GPC6: variants seen among roughly 807,000 people sequenced by gnomAD.
The protein encoded by GPC6 is glypican-6.
GPC6 carries 14 observed loss-of-function variants against 55.2 expected under a neutral mutation model. The observed-to-expected ratio is 0.25, with a 90% CI of 0.17 to 0.40. The LOEUF (loss-of-function observed/expected upper bound fraction) is 0.40, where lower values mean the gene tolerates loss of function less well. GPC6 is among the 10% of genes least tolerant of loss of function. The pLI is 1.00. For synonymous variants in GPC6, 278 were observed against 259.6 expected (o/e 1.07, Z -0.68); for missense variants, 641 against 708.5 (o/e 0.90, Z 1.08).
intron 1 of GPC6, among the ~76,000 whole-genome samples, chr13:93,259,573 G>A (rs2139038722): frequency 6.6e-6 from 1 of 151,926 alleles, no homozygotes; most frequent in Admixed American, 6.6e-5. Flanking sequence ...TTCTTTATGA[G>A]TCTTTTGTTT....
chr13:93,999,172 C>G (rs959609915), intron 3 of GPC6, among the ~76,000 whole-genome samples: 1 of 152,086 alleles, frequency 6.6e-6, no homozygotes, highest in Non-Finnish European at 1.5e-5. Context: ...AAATGCTATC[C>G]CTCCCCTAGC....
chr13:93,723,385 C>T (rs1883518686), intron 2 of GPC6, among the ~76,000 whole-genome samples: 1 of 152,002 alleles, frequency 6.6e-6, no homozygotes, highest in Non-Finnish European at 1.5e-5. Flanking sequence ...GCTGTAATCC[C>T]CTTACTTTAA....
chr13:94,138,233 C>T (rs1887255888), intron 4 of GPC6, among the ~76,000 whole-genome samples: 2 of 152,238 alleles, frequency 1.3e-5, no homozygotes, highest in South Asian at 4.1e-4. Context: ...GCAAATATTC[C>T]AAAATCCAGA....
intron 1 of GPC6, among the ~76,000 whole-genome samples, chr13:93,527,203 A>G (rs1881684905): frequency 6.6e-6 from 1 of 152,056 alleles, no homozygotes; most frequent in African/African-American, 2.4e-5. Flanking sequence ...ATCACCTACC[A>G]TAGTTACCTT....
At chr13:94,136,032 T>G (rs1181076080) in intron 4 of GPC6, among the ~76,000 whole-genome samples, 1 of 152,208 alleles carries the variant, frequency 6.6e-6, no homozygotes, top group East Asian at 1.9e-4. Context: ...AAAAATCATT[T>G]AGGAAATGGA....
chr13:94,199,342 C>T (rs73547979), intron 4 of GPC6, among the ~76,000 whole-genome samples: 2,003 of 152,174 alleles, frequency 0.013, 44 homozygotes, highest in African/African-American at 0.041. Flanking sequence ...GTTAAAATGC[C>T]TTGTCATCAT....
intron 4 of GPC6, among the ~76,000 whole-genome samples, chr13:94,147,851 A>G (rs964555248): frequency 7.2e-5 from 11 of 152,198 alleles, no homozygotes; most frequent in African/African-American, 2.7e-4. Flanking sequence ...CATTTATCAT[A>G]AAAGTTATAT....
intron 6 of GPC6, among the ~76,000 whole-genome samples, chr13:94,364,657 T>C (rs1879210217): frequency 6.6e-6 from 1 of 152,140 alleles, no homozygotes; most frequent in South Asian, 2.1e-4. Context: ...ACTGGGTGGT[T>C]AATTGAAGGC....
At chr13:94,328,769 G>A (rs1164622963) in intron 6 of GPC6, among the ~76,000 whole-genome samples, 10 of 152,254 alleles carry the variant, frequency 6.6e-5, no homozygotes, top group Admixed American at 6.5e-4. Context: ...ACGTCCGCTG[G>A]GGAAGTGGGC....
chr13:94,064,240 G>A (rs1298924763), intron 4 of GPC6, among the ~76,000 whole-genome samples: 8 of 152,162 alleles, frequency 5.3e-5, no homozygotes, highest in Non-Finnish European at 1.0e-4. Flanking sequence ...TCACATTTCA[G>A]TTCGTCTATC....
chr13:93,949,867 C>T (rs540842092), intron 3 of GPC6, among the ~76,000 whole-genome samples: 8 of 152,140 alleles, frequency 5.3e-5, no homozygotes, highest in African/African-American at 9.6e-5. Flanking sequence ...GCTGGGACTA[C>T]GACTGCATAC....
intron 6 of GPC6, among the ~76,000 whole-genome samples, chr13:94,337,575 G>A (rs1877781203): frequency 6.6e-6 from 1 of 150,596 alleles, no homozygotes; most frequent in Admixed American, 6.7e-5. Flanking sequence ...AGCCTCCCAA[G>A]TAGCTGGGAT....
At chr13:93,979,287 G>A (rs1444800214) in intron 3 of GPC6, among the ~76,000 whole-genome samples, 2 of 95,818 alleles carry the variant, frequency 2.1e-5, no homozygotes, top group Non-Finnish European at 4.2e-5. Context: ...TCTTTTGTGT[G>A]TGTGTGTGTG....
chr13:93,729,239 A>T (rs929573856), intron 2 of GPC6, among the ~76,000 whole-genome samples: 5 of 152,140 alleles, frequency 3.3e-5, no homozygotes, highest in Admixed American at 1.3e-4. Context: ...CTCTACAAGG[A>T]CATTGAGATT....
intron 2 of GPC6, among the ~76,000 whole-genome samples, chr13:93,776,067 T>C (rs1885455457): frequency 2.7e-5 from 1 of 36,776 alleles, no homozygotes; most frequent in African/African-American, 1.1e-4. Flanking sequence ...CTTTCTTTTT[T>C]TGGGGGGTGG....
intron 3 of GPC6, among the ~76,000 whole-genome samples, chr13:94,024,005 G>A (rs1882799537): frequency 6.6e-6 from 1 of 152,016 alleles, no homozygotes; most frequent in Admixed American, 6.6e-5. Flanking sequence ...GCAAAAGGGA[G>A]TTCTTTTATG....
intron 2 of GPC6, among the ~76,000 whole-genome samples, chr13:93,613,895 G>C (rs1396565888): frequency 6.6e-6 from 1 of 152,126 alleles, no homozygotes; most frequent in Non-Finnish European, 1.5e-5. Context: ...GTAGGATGCA[G>C]AAATGATGTT....
intron 1 of GPC6, among the ~76,000 whole-genome samples, chr13:93,296,885 A>C (rs769127647): frequency 6.6e-6 from 1 of 152,168 alleles, no homozygotes; most frequent in Non-Finnish European, 1.5e-5. Flanking sequence ...AGCCATCCAA[A>C]GTTATGAGGA....
At chr13:94,189,709 C>T (rs1490690771) in intron 4 of GPC6, among the ~76,000 whole-genome samples, 1 of 152,156 alleles carries the variant, frequency 6.6e-6, no homozygotes, top group Admixed American at 6.5e-5. Flanking sequence ...TTTCCATGAT[C>T]CAACATCTCT....
Sources: gnomAD v4.1 joint callset for allele counts (sites outside exome capture counted in the v4.1 genomes callset) on GRCh38, gnomAD v4.1.1 for gene constraint, MANE v1.5 for transcripts, NCBI Gene and HGNC (gene_info 2026-07-23, HGNC 2026-07-21) for gene names.